PAMR1: variants seen among roughly 807,000 people sequenced by gnomAD.
PAMR1 encodes the protein inactive serine protease PAMR1.
Under a neutral mutation model 81.8 loss-of-function variants are expected in PAMR1, and 88 were observed. That is an observed-to-expected ratio of 1.08 (90% CI 0.91 to 1.28). The LOEUF (loss-of-function observed/expected upper bound fraction) is 1.28. PAMR1 is among the 50% of genes most tolerant of loss of function. PAMR1 has a pLI of 0.00. For missense variants in PAMR1, 935 were observed against 919.7 expected (o/e 1.02, Z -0.21); for synonymous variants, 336 against 345.3 (o/e 0.97, Z 0.30).
intron 1 of PAMR1, among the ~76,000 whole-genome samples, chr11:35,494,546 G>C (rs1850690137): frequency 6.6e-6 from 1 of 152,156 alleles, no homozygotes; most frequent in Admixed American, 6.5e-5. Context: ...TGTTAGCCAG[G>C]ATGGTCTCGA....
In PAMR1 at chr11:35,439,649, G is replaced by T. The variant is rs777312333; in HGVS notation, c.1078C>A (p.Leu360Ile). 11 of 1,614,012 alleles carry T rather than the reference G, an allele frequency of 6.8e-6. No individual in the cohort carries two copies. The highest frequency in any genetic ancestry group is 1.6e-4 in the Middle Eastern group (1 of 6,062). The change falls in exon 8 of 11, where the codon CTT becomes ATT. Residue 360 changes from leucine to isoleucine, a missense_variant. Physicochemically the swap from Leu to Ile is conservative, Grantham distance 5. Transcript: ENST00000619888. ...CACCTTGACTGAACCTGCATCGGAA[G>T]AACTCTCCTTCTCACCAGGTCTGAA... Reference protein sequence around the residue: ...KISDLVRRRVLPMQVQSRETP... With the variant: ...KISDLVRRRVIPMQVQSRETP...
rs560488642 is a variant in PAMR1, at chr11:35,490,219, C to T, written c.379+1826G>A. 4.6e-5 allele frequency among the ~76,000 whole-genome samples: 7 copies of T among 152,180 alleles called. No individual in the cohort carries two copies. The South Asian group carries it at 1.2e-3, about 27-fold the overall frequency. On this transcript the variant is annotated intron_variant, in intron 3 of 10. Transcript: ENST00000619888. ...ACCCCTATGATTCAATTATCTCCAC[C>T]TTGCCCCACCCTTGACACATGGAGA...
At chr11:35,451,899 T>C (rs1856425724) in intron 6 of PAMR1, 1 of 705,136 alleles carries the variant, frequency 1.4e-6, no homozygotes, top group South Asian at 1.5e-5. Flanking sequence ...AGACAATGAA[T>C]CTTCTGACGC....
intron 1 of PAMR1, among the ~76,000 whole-genome samples, chr11:35,508,239 T>C (rs1290874949): frequency 6.6e-6 from 1 of 152,180 alleles, no homozygotes; most frequent in Non-Finnish European, 1.5e-5. Context: ...TATCAGTTTT[T>C]CCAGTGTAGA....
At chr11:35,435,032 T>A (rs1458004521) in intron 9 of PAMR1, among the ~76,000 whole-genome samples, 1 of 152,168 alleles carries the variant, frequency 6.6e-6, no homozygotes, top group Non-Finnish European at 1.5e-5. Flanking sequence ...TGAGTTCTGA[T>A]CCCAGGCACT....
chr11:35,495,487 C>T (rs1850710618), intron 1 of PAMR1, among the ~76,000 whole-genome samples: 1 of 152,118 alleles, frequency 6.6e-6, no homozygotes, highest in South Asian at 2.1e-4. Context: ...GGCTAAGAAA[C>T]AGACCTTCTA....
chr11:35,462,229 A>G (rs898384650), intron 6 of PAMR1, among the ~76,000 whole-genome samples: 1 of 152,162 alleles, frequency 6.6e-6, no homozygotes, highest in Admixed American at 6.5e-5. Context: ...GAGTGTCCGA[A>G]TCTAGTTTCT....
At chr11:35,474,518 G>C in intron 4 of PAMR1, 112 bp downstream of exon 4, 1 of 609,082 alleles carries the variant, frequency 1.6e-6, no homozygotes, top group East Asian at 3.0e-5. Flanking sequence ...GTGGTAAAGA[G>C]AAAGGCTCCA....
At position 35,471,761 on chromosome 11, in the gene PAMR1, CA is replaced by C. The variant is rs143380762; in HGVS notation, c.495-944del. Reference sequence around the variant, plus strand: ...CCCCGATTCCAAGAGACAAGAAAAGCAGCAGCCACATCCCAGGGCAAGAGAG... The same window carrying C: ...CCCCGATTCCAAGAGACAAGAAAAGCGCAGCCACATCCCAGGGCAAGAGAG... On this transcript the variant is annotated intron_variant, in intron 4 of 10. Transcript: ENST00000619888. Among the ~76,000 whole-genome samples the C allele has an allele frequency of 2.1e-3, 327 of 152,226 alleles. 9 individuals are homozygous for C. In the East Asian group the frequency reaches 0.053, roughly 25 times the overall value.
intron 3 of PAMR1, among the ~76,000 whole-genome samples, chr11:35,488,405 GA>G (rs1261885558): frequency 6.6e-6 from 1 of 151,536 alleles, no homozygotes; most frequent in African/African-American, 2.4e-5. Flanking sequence ...ATATTGTGTA[GA>G]AACAGAATCT....
chr11:35,468,968 G>C (rs1856804287), intron 5 of PAMR1, among the ~76,000 whole-genome samples: 1 of 151,506 alleles, frequency 6.6e-6, no homozygotes, highest in Admixed American at 6.6e-5. Flanking sequence ...GGAAGAACAG[G>C]ATGTCCTATT....
intron 2 of PAMR1, among the ~76,000 whole-genome samples, chr11:35,492,758 C>T (rs578066998): frequency 3.3e-5 from 5 of 152,292 alleles, no homozygotes; most frequent in South Asian, 2.1e-4. Flanking sequence ...ATAGGCTCAC[C>T]GTGGAATGTG....
At chr11:35,499,819 C>T (rs1447706019) in intron 1 of PAMR1, among the ~76,000 whole-genome samples, 4 of 152,156 alleles carry the variant, frequency 2.6e-5, no homozygotes, top group Non-Finnish European at 5.9e-5. Flanking sequence ...CCCAGGGAAT[C>T]CTGGCAGAAG....
At chr11:35,443,574 G>A (rs535194901) in intron 6 of PAMR1, among the ~76,000 whole-genome samples, 9 of 152,280 alleles carry the variant, frequency 5.9e-5, no homozygotes, top group African/African-American at 2.2e-4. Flanking sequence ...ATTCCATGGT[G>A]TATCATGTAC....
chr11:35,482,212 A>G (rs1439778621), intron 3 of PAMR1, among the ~76,000 whole-genome samples: 1 of 152,188 alleles, frequency 6.6e-6, no homozygotes, highest in Non-Finnish European at 1.5e-5. Context: ...TAATTTTTGT[A>G]TAAGATGTAA....
chr11:35,465,181 T>C (rs1856734698), intron 6 of PAMR1, among the ~76,000 whole-genome samples: 1 of 152,218 alleles, frequency 6.6e-6, no homozygotes, highest in Non-Finnish European at 1.5e-5. Flanking sequence ...ACTGAGCATC[T>C]ACCTTTCCAC....
intron 1 of PAMR1, among the ~76,000 whole-genome samples, chr11:35,498,225 AT>A (rs1194630684): frequency 1.2e-4 from 18 of 152,336 alleles, no homozygotes; most frequent in Middle Eastern, 3.4e-3. Flanking sequence ...ATCTACATAT[AT>A]ATTACCACAA....
rs1320294184 is a variant in PAMR1, at chr11:35,498,360, C to T, written c.74-4088G>A. Among the ~76,000 whole-genome samples the T allele has an allele frequency of 5.9e-5, 9 of 152,256 alleles. No individual in the cohort carries two copies. The South Asian group carries it at 8.3e-4, about 14-fold the overall frequency. ...TCTGCTACTTGCCTTGGCAAAGCTA[C>T]GTTACTCTCTCAGTCTCAGTTTAGT... is the stretch of plus-strand genomic sequence containing the variant. On this transcript the variant is annotated intron_variant, in intron 1 of 10. Transcript: ENST00000619888.
chr11:35,510,233 A>G (rs1407298385), intron 1 of PAMR1, among the ~76,000 whole-genome samples: 1 of 152,132 alleles, frequency 6.6e-6, no homozygotes, highest in Non-Finnish European at 1.5e-5. Context: ...CCTCCCCATT[A>G]TCAACATCCC....
Sources: allele counts gnomAD v4.1 joint callset (sites outside exome capture counted in the v4.1 genomes callset), GRCh38; gene constraint gnomAD v4.1.1; transcripts MANE v1.5; gene names NCBI Gene and HGNC (gene_info 2026-07-23, HGNC 2026-07-21).